SEMA6B: variants seen among roughly 807,000 people sequenced by gnomAD.
SEMA6B encodes the protein semaphorin-6B.
Under a neutral mutation model 78.6 loss-of-function variants are expected in SEMA6B, and 47 were observed. The ratio of observed to expected loss-of-function variants is 0.60; its 90% confidence interval spans 0.47 to 0.76. SEMA6B has a LOEUF of 0.76. Among genes scored for constraint, SEMA6B ranks in the 30% least tolerant of loss-of-function variants. The pLI is 0.00. For synonymous variants in SEMA6B, 632 were observed against 592.2 expected (o/e 1.07, Z -0.98); for missense variants, 1,213 against 1,269.9 (o/e 0.96, Z 0.68).
intron 8 of SEMA6B, 129 bp from the exon 9 acceptor site, chr19:4,554,605 C>T (rs1977420810): frequency 4.2e-6 from 3 of 708,100 alleles, no homozygotes; most frequent in Non-Finnish European, 7.1e-6. Flanking sequence ...GAAACAGACT[C>T]AAAGTTTGGT....
chr19:4,556,365 T>C (rs1403673742), intron 5 of SEMA6B, among the ~76,000 whole-genome samples: 2 of 152,014 alleles, frequency 1.3e-5, no homozygotes, highest in Admixed American at 1.3e-4. Flanking sequence ...AGGAGAAGGA[T>C]CCGCCCTGGG....
In SEMA6B at chr19:4,555,465, G is replaced by C; in HGVS notation, c.562+9C>G. ...GGGCTGATCAGATGGAGGTTGGGGG[G>C]GTACTTACCAGAGAAGAGGGCAACA... is the stretch of plus-strand genomic sequence containing the variant. On this transcript the variant is annotated intron_variant, in intron 7 of 16. Coordinates refer to ENST00000586582, the MANE Select transcript of SEMA6B (RefSeq NM_032108.4). This position sits in a 1 kb window ranked among gnomAD's most constrained non-coding sequence, Gnocchi z 6.1. 6.2e-7 allele frequency: 1 copy of C among 1,608,234 alleles called. No individual in the cohort carries two copies. The highest frequency in any genetic ancestry group is 1.1e-5 in the South Asian group (1 of 90,616).
chr19:4,543,078 C>A lies in SEMA6B; in HGVS notation c.*523G>T. 1 of 638,480 alleles carries A rather than the reference C, an allele frequency of 1.6e-6. No homozygotes were observed. Among genetic ancestry groups the A allele is most frequent in the South Asian group, 1.7e-5 (1 of 57,832 alleles). The allele number at this position is 638,480 out of a possible 1,614,324, so 39.6% of individuals were successfully genotyped here. A position where few individuals can be genotyped will look rare whatever the true frequency, so the allele number is the denominator to read the frequency against. ...ACACGCCCACAGCAGCCTTCGCTGG[C>A]ACGCACACACACGCCCACCTCCCCG... On this transcript the variant is annotated 3_prime_UTR_variant, in exon 17 of 17. Transcript: ENST00000586582.
chr19:4,557,690 T>A lies in SEMA6B; in HGVS notation c.245+336A>T, dbSNP rs941568266. Reference sequence around the variant, plus strand: ...AGCCCCGTAATCTCACACTTGCTTCTCCCCACGACAGCTTCCACCTGGTCC... The same window carrying A: ...AGCCCCGTAATCTCACACTTGCTTCACCCCACGACAGCTTCCACCTGGTCC... On this transcript the variant is annotated intron_variant, in intron 3 of 16. Transcript: ENST00000586582. 2.0e-5 allele frequency among the ~76,000 whole-genome samples: 3 copies of A among 152,180 alleles called. No homozygotes were observed. The South Asian group carries it at 6.2e-4, about 32-fold the overall frequency.
Position 4,544,393 on chromosome 19 carries a change from A to G in SEMA6B, c.1875T>C (p.Arg625=), listed in dbSNP as rs780571049. ...GFSVGWFVGL[R]ERRELARRKD... ...TGCGCCGGGCCAGCTCCCGCCGCTC[A>G]CGGAGGCCCACGAACCAGCCCACGC... The change falls in exon 17 of 17, where the codon CGT becomes CGC. Residue 625 remains arginine, a synonymous_variant. Coordinates refer to ENST00000586582, the MANE Select transcript of SEMA6B (RefSeq NM_032108.4). The surrounding 1 kb of genome is among the most constrained non-coding windows in gnomAD (Gnocchi z 5.1). 1.3e-6 allele frequency: 2 copies of G among 1,599,684 alleles called. No individual in the cohort carries two copies. The highest frequency in any genetic ancestry group is 1.7e-6 in the Non-Finnish European group (2 of 1,174,672).
In SEMA6B at chr19:4,555,804, T is replaced by C. The variant is rs1011786794; in HGVS notation, c.471+184A>G. ...AGTAGCTACGGCTTCCCCGGCCCCC[T>C]GTACAGGCCTCGTTTGGACAGCGCT... On this transcript the variant is annotated intron_variant, in intron 6 of 16. Transcript: ENST00000586582. This position sits in a 1 kb window ranked among gnomAD's most constrained non-coding sequence, Gnocchi z 6.1. 1.3e-5 allele frequency among the ~76,000 whole-genome samples: 2 copies of C among 152,194 alleles called. No individual in the cohort carries two copies.
At chr19:4,557,282 C>T in intron 3 of SEMA6B, 59 bp from the exon 4 acceptor site, 1 of 1,296,488 alleles carries the variant, frequency 7.7e-7, no homozygotes, top group Admixed American at 2.2e-5. Flanking sequence ...CCCGTTCCAT[C>T]CTTCCCACTG....
At position 4,558,282 on chromosome 19, in the gene SEMA6B, A is replaced by T. The variant is rs371479859; in HGVS notation, c.121+55T>A. Reference sequence around the variant, plus strand: ...AGTGGGGGCAGCAGACCCAACTGGGAACCCAGATACTCCCACGGGACTCCA... The same window carrying T: ...AGTGGGGGCAGCAGACCCAACTGGGTACCCAGATACTCCCACGGGACTCCA... On this transcript the variant is annotated intron_variant, in intron 2 of 16. Coordinates refer to ENST00000586582, the MANE Select transcript of SEMA6B (RefSeq NM_032108.4). The surrounding 1 kb of genome is among the most constrained non-coding windows in gnomAD (Gnocchi z 5.1). 1 of 1,310,334 alleles carries T rather than the reference A, an allele frequency of 7.6e-7. No homozygotes were observed. Among genetic ancestry groups the T allele is most frequent in the Non-Finnish European group, 9.8e-7 (1 of 1,019,552 alleles). The allele number at this position is 1,310,334 out of a possible 1,614,324, so 81.2% of individuals were successfully genotyped here. A position where few individuals can be genotyped will look rare whatever the true frequency, so the allele number is the denominator to read the frequency against.
chr19:4,544,493 C>T lies in SEMA6B; in HGVS notation c.1775G>A (p.Gly592Glu), dbSNP rs764821155. Residue 592 changes from glycine to glutamate, a missense_variant, in exon 17 of 17, where the codon GGG becomes GAG. Transcript: ENST00000586582. The surrounding 1 kb of genome is among the most constrained non-coding windows in gnomAD (Gnocchi z 5.1). ...TACCAGCAGGTTCACCGACACCAGC[C>T]CCGCGCGGTCCTCGGAGAGGCTGGC... ...LRASLSEDRA[G>E]LVSVNLLVTS... 5.9e-5 allele frequency: 94 copies of T among 1,580,034 alleles called. No individual in the cohort carries two copies. Among genetic ancestry groups the T allele is most frequent in the Non-Finnish European group, 7.7e-5 (90 of 1,163,690 alleles).
intron 3 of SEMA6B, among the ~76,000 whole-genome samples, chr19:4,557,575 A>C (rs1422959242): frequency 1.3e-5 from 2 of 152,166 alleles, no homozygotes; most frequent in Admixed American, 1.3e-4. Flanking sequence ...CGTGTAGTTA[A>C]GCCCAGTGGT....
chr19:4,545,374 T>C (rs1977138458), intron 16 of SEMA6B, among the ~76,000 whole-genome samples: 1 of 150,734 alleles, frequency 6.6e-6, no homozygotes, highest in African/African-American at 2.4e-5. Context: ...TCTCACTCTG[T>C]TGCCCAAGCT....
At position 4,548,301 on chromosome 19, in the gene SEMA6B, A is replaced by C; in HGVS notation, c.1416T>G (p.Ser472Arg). Residue 472 changes from serine to arginine, a missense_variant, in exon 13 of 17, where the codon AGT (serine) becomes AGG (arginine). Ser to Arg is a moderately radical substitution (Grantham distance 110, BLOSUM62 -1). Transcript: ENST00000586582. ...NASTSGTSGL[S>R]VFLEEFETYR... The stretch of plus-strand genomic sequence containing the variant: ...AGGTCTCAAACTCCTCCAGGAAGAC[A>C]CTGAGCCCAGACGTCCCTGAGGTGC... The C allele has an allele frequency of 6.2e-7, 1 of 1,613,700 alleles. No homozygotes were observed.
Position 4,555,344 on chromosome 19 carries a change from G to T in SEMA6B, c.562+130C>A. 1 of 873,158 alleles carries T rather than the reference G, an allele frequency of 1.1e-6. No homozygotes were observed. Among genetic ancestry groups the T allele is most frequent in the Non-Finnish European group, 1.8e-6 (1 of 568,380 alleles). 54.1% of individuals were successfully genotyped at this position (873,158 alleles called of 1,614,324 possible). A position where few individuals can be genotyped will look rare whatever the true frequency, so the allele number is the denominator to read the frequency against. Reference sequence around the variant, plus strand: ...GCTGAGCCCCAAACCTGGGCTGAGAGTCTGCCCATGTCACAGCTGGGACAA... The same window carrying T: ...GCTGAGCCCCAAACCTGGGCTGAGATTCTGCCCATGTCACAGCTGGGACAA... On this transcript the variant is annotated intron_variant, in intron 7 of 16. Coordinates refer to ENST00000586582, the MANE Select transcript of SEMA6B (RefSeq NM_032108.4). The surrounding 1 kb of genome is among the most constrained non-coding windows in gnomAD (Gnocchi z 6.1).
chr19:4,544,574 C>A lies in SEMA6B; in HGVS notation c.1739-45G>T. ...GGGTTAGTGGGGCCGGCGGGGTGGC[C>A]CTGGGCATCCCTCCTACCTCCTCGG... On this transcript the variant is annotated intron_variant, in intron 16 of 16. Coordinates refer to ENST00000586582, the MANE Select transcript of SEMA6B (RefSeq NM_032108.4). The surrounding 1 kb of genome is among the most constrained non-coding windows in gnomAD (Gnocchi z 5.1). The A allele has an allele frequency of 7.8e-7, 1 of 1,273,950 alleles. No individual in the cohort carries two copies. The highest frequency in any genetic ancestry group is 1.0e-6 in the Non-Finnish European group (1 of 967,474). 78.9% of individuals were successfully genotyped at this position (1,273,950 alleles called of 1,614,324 possible). A position where few individuals can be genotyped will look rare whatever the true frequency, so the allele number is the denominator to read the frequency against.
chr19:4,552,302 A>T lies in SEMA6B; in HGVS notation c.989+120T>A. 1.0e-6 allele frequency: 1 copy of T among 991,982 alleles called. No individual in the cohort carries two copies. The highest frequency in any genetic ancestry group is 1.5e-6 in the Non-Finnish European group (1 of 676,442). The allele number at this position is 991,982 out of a possible 1,614,324, so 61.4% of individuals were successfully genotyped here. On this transcript the variant is annotated intron_variant, in intron 10 of 16. Coordinates refer to ENST00000586582, the MANE Select transcript of SEMA6B (RefSeq NM_032108.4). This position sits in a 1 kb window ranked among gnomAD's most constrained non-coding sequence, Gnocchi z 7.4. Reference sequence around the variant, plus strand: ...CCCCAGCCTGGGGCCGAGGCCTCTCAGAGGTCTAATCCAGTGGTGCCCAAC... The same window carrying T: ...CCCCAGCCTGGGGCCGAGGCCTCTCTGAGGTCTAATCCAGTGGTGCCCAAC...
chr19:4,548,569 A>C, intron 12 of SEMA6B, 124 bp from the exon 13 acceptor site: 4 of 867,630 alleles, frequency 4.6e-6, no homozygotes, highest in Non-Finnish European at 7.1e-6. Context: ...GACAGCAATA[A>C]ATGCGTGTGT....
At chr19:4,546,121 C>A in intron 16 of SEMA6B, 95 bp downstream of exon 16, 1 of 1,300,636 alleles carries the variant, frequency 7.7e-7, no homozygotes, top group Non-Finnish European at 1.0e-6. Flanking sequence ...TCCCCACCCA[C>A]CTCCCAGAGG....
chr19:4,559,335 G>C (rs973175228), intron 1 of SEMA6B, among the ~76,000 whole-genome samples, 195 bp downstream of exon 1: 1 of 152,062 alleles, frequency 6.6e-6, no homozygotes, highest in African/African-American at 2.4e-5. Context: ...TTCTCCGCTT[G>C]CACACCTCCA....
intron 5 of SEMA6B, 40 bp from the exon 6 acceptor site, chr19:4,556,129 G>C: frequency 6.9e-7 from 1 of 1,452,264 alleles, no homozygotes; most frequent in Non-Finnish European, 9.7e-7. Flanking sequence ...CGCGATGTGG[G>C]CGTGGTCATG....
Sources: allele counts gnomAD v4.1 joint callset (sites outside exome capture counted in the v4.1 genomes callset), GRCh38; gene constraint gnomAD v4.1.1; non-coding constraint Gnocchi (gnomAD v3.1); transcripts MANE v1.5; gene names NCBI Gene and HGNC (gene_info 2026-07-23, HGNC 2026-07-21).